Variants in CCNH observed in about 807,000 individuals in gnomAD.
CCNH encodes cyclin-H.
In CCNH, 31 loss-of-function variants were observed where a neutral mutation model predicts 41.9. That is an observed-to-expected ratio of 0.74 (90% CI 0.56 to 1.00). CCNH has a LOEUF of 1.00. Among genes scored for constraint, CCNH ranks in the 50% least tolerant of loss-of-function variants. CCNH has a pLI of 0.00. For missense variants in CCNH, 362 were observed against 388.4 expected, an observed-to-expected ratio of 0.93 and a Z score of 0.57; for synonymous variants, 138 against 136.1, an observed-to-expected ratio of 1.01 and a Z score of -0.10.
chr5:87,314,323 G>A (rs1293299647), downstream of CCNH, among the ~76,000 whole-genome samples: 1 of 152,222 alleles, frequency 6.6e-6, no homozygotes, highest in Non-Finnish European at 1.5e-5. Flanking sequence ...TAAGCAATGG[G>A]ACTTTTTCAG....
intron 9 of CCNH, among the ~76,000 whole-genome samples, chr5:87,363,140 T>C (rs1760242299): frequency 6.6e-6 from 1 of 152,010 alleles, no homozygotes; most frequent in Non-Finnish European, 1.5e-5. Flanking sequence ...TTCTCAGCAT[T>C]TACTCTGTGA....
At chr5:87,371,931 ATTG>A (rs1266014885), downstream of CCNH, among the ~76,000 whole-genome samples, 7 of 151,512 alleles carry the variant, frequency 4.6e-5, no homozygotes, top group African/African-American at 1.7e-4. Flanking sequence ...TTGTTTTATT[ATTG>A]TTATTGTTAT....
At chr5:87,392,219 G>C (rs1424764694), downstream of CCNH, 1 of 455,352 alleles carries the variant, frequency 2.2e-6, no homozygotes, top group Admixed American at 2.4e-5. Flanking sequence ...GAAAGCCCTA[G>C]ATTCCAAGAG....
chr5:87,365,527 T>C (rs1196273013), intron 9 of CCNH, among the ~76,000 whole-genome samples: 1 of 152,096 alleles, frequency 6.6e-6, no homozygotes. Flanking sequence ...GAAGTTAAAA[T>C]TGTTTTAATT....
chr5:87,330,102 A>G (rs1179692754), intron 9 of CCNH, among the ~76,000 whole-genome samples: 1 of 152,158 alleles, frequency 6.6e-6, no homozygotes, highest in African/African-American at 2.4e-5. Flanking sequence ...ATGGAACGCT[A>G]TAAATAAGTT....
intron 9 of CCNH, chr5:87,369,790 T>C: frequency 1.3e-6 from 2 of 1,561,672 alleles, no homozygotes; most frequent in South Asian, 2.2e-5. Context: ...AGCTTCCTAA[T>C]AATTTTTGTT....
At chr5:87,374,970 C>A (rs569701230), downstream of CCNH, 25 of 1,543,184 alleles carry the variant, frequency 1.6e-5, no homozygotes, top group South Asian at 3.6e-5. Flanking sequence ...TATATACTTT[C>A]AAAATTCACA....
intron 9 of CCNH, among the ~76,000 whole-genome samples, chr5:87,359,768 C>T (rs1164107011): frequency 1.3e-5 from 2 of 152,132 alleles, no homozygotes; most frequent in African/African-American, 4.8e-5. Context: ...TAATTCGCAT[C>T]ACCAAGATTA....
chr5:87,327,931 C>T (rs1368013625), intron 9 of CCNH, among the ~76,000 whole-genome samples: 2 of 150,512 alleles, frequency 1.3e-5, no homozygotes, highest in Middle Eastern at 3.2e-3. Context: ...CATGGCACTG[C>T]ACCCCAACCT....
chr5:87,379,977 C>T (rs1195361363), upstream of CCNH: 4 of 985,112 alleles, frequency 4.1e-6, no homozygotes, highest in African/African-American at 3.3e-5. Context: ...CATGGTTAAT[C>T]TTTATGAGAT....
intron 7 of CCNH, among the ~76,000 whole-genome samples, chr5:87,398,190 A>T (rs780660542): frequency 5.9e-5 from 9 of 152,196 alleles, no homozygotes; most frequent in Non-Finnish European, 1.3e-4. Flanking sequence ...TTGTCGTTAT[A>T]CCTATAACTA....
chr5:87,369,796 T>C lies in CCNH; in HGVS notation c.*90+22974A>G. Reference sequence around the variant, plus strand: ...TTTTTATTAAGCTTCCTAATAATTTTTGTTTTTATTTTAAAGGCCAAACTG... The same window carrying C: ...TTTTTATTAAGCTTCCTAATAATTTCTGTTTTTATTTTAAAGGCCAAACTG... On this transcript the variant is annotated intron_variant and NMD_transcript_variant, in intron 9 of 9. Coordinates refer to the CCNH transcript ENST00000645953. The C allele has an allele frequency of 6.3e-7, 1 of 1,583,850 alleles. No homozygotes were observed. The highest frequency in any genetic ancestry group is 2.3e-5 in the East Asian group (1 of 44,400).
rs1032068401 is a variant in CCNH, at chr5:87,412,930, T to C, written c.-136A>G. The C allele has an allele frequency of 6.9e-7, 1 of 1,453,514 alleles. No individual in the cohort carries two copies. The highest frequency in any genetic ancestry group is 9.1e-7 in the Non-Finnish European group (1 of 1,101,024). The allele number at this position is 1,453,514 out of a possible 1,614,324, so 90.0% of individuals were successfully genotyped here. The stretch of plus-strand genomic sequence containing the variant: ...GTCCGGCTAGCCGGCGCTGGCGCGC[T>C]GTCGTCACGATTACGCGGCCAGCCC... On this transcript the variant is annotated 5_prime_UTR_variant, in exon 1 of 9. Coordinates refer to ENST00000256897, the MANE Select transcript of CCNH (RefSeq NM_001239.4).
rs561307395 is a variant in CCNH, at chr5:87,394,336, G to GTT, written c.*108_*109dup. On this transcript the variant is annotated 3_prime_UTR_variant, in exon 9 of 9. Transcript: ENST00000256897. ...GAAAGGGAAAGAAAACAATAGAAAA[G>GTT]TTTTAATATATTTTATGTTTTCACA... 4.2e-4 allele frequency: 608 copies of GTT among 1,435,202 alleles called. No homozygotes were observed. The highest frequency in any genetic ancestry group is 5.2e-4 in the Non-Finnish European group (568 of 1,086,448). The allele number at this position is 1,435,202 out of a possible 1,614,324, so 88.9% of individuals were successfully genotyped here.
At chr5:87,393,768 G>C (rs554928117), downstream of CCNH, 1 of 152,268 alleles carries the variant, frequency 6.6e-6, no homozygotes, top group South Asian at 2.1e-4. Context: ...GAGACAGCCT[G>C]GGCAACATAG....
At chr5:87,353,820 A>G (rs1439384958) in intron 9 of CCNH, among the ~76,000 whole-genome samples, 1 of 152,106 alleles carries the variant, frequency 6.6e-6, no homozygotes, top group Non-Finnish European at 1.5e-5. Flanking sequence ...GCCTTGAGCA[A>G]GAGAGCCTGT....
intron 9 of CCNH, chr5:87,338,187 CT>C: frequency 2.6e-6 from 4 of 1,564,228 alleles, no homozygotes; most frequent in African/African-American, 1.4e-5. Flanking sequence ...GAATACATTT[CT>C]TTTATAAAAG....
intron 7 of CCNH, among the ~76,000 whole-genome samples, chr5:87,395,881 C>A (rs573130375): frequency 1.3e-5 from 2 of 151,884 alleles, no homozygotes; most frequent in South Asian, 4.2e-4. Flanking sequence ...CTCAAAAAAG[C>A]GGGGTGTGGG....
chr5:87,352,085 A>G (rs1759317177), intron 9 of CCNH, among the ~76,000 whole-genome samples: 1 of 151,388 alleles, frequency 6.6e-6, no homozygotes, highest in Non-Finnish European at 1.5e-5. Flanking sequence ...AGATTTTTTT[A>G]TTAAAAACAT....
Sources: allele counts gnomAD v4.1 joint callset (sites outside exome capture counted in the v4.1 genomes callset), GRCh38; gene constraint gnomAD v4.1.1; transcripts MANE v1.5; gene names NCBI Gene and HGNC (gene_info 2026-07-23, HGNC 2026-07-21).